The following DLGAP2 variants were observed in gnomAD, a reference collection of about 807,000 sequenced individuals.
DLGAP2 encodes DLG associated protein 2.
In DLGAP2, 26 loss-of-function variants were observed where a neutral mutation model predicts 100.3. The ratio of observed to expected loss-of-function variants is 0.26; its 90% CI spans 0.19 to 0.36. DLGAP2 has a LOEUF of 0.36. Among genes scored for constraint, DLGAP2 ranks in the 10% least tolerant of loss-of-function variants. The pLI, the probability that DLGAP2 is intolerant of heterozygous loss-of-function variation, is 1.00. For synonymous variants in DLGAP2, 886 were observed against 630.1 expected, an observed-to-expected ratio of 1.41 and a Z score of -6.08; for missense variants, 1,858 against 1,453.2, an observed-to-expected ratio of 1.28 and a Z score of -4.53.
intron 2 of DLGAP2, among the ~76,000 whole-genome samples, chr8:1,183,044 C>T (rs933573271): frequency 6.6e-6 from 1 of 152,156 alleles, no homozygotes; most frequent in Non-Finnish European, 1.5e-5. Flanking sequence ...GATTTACTCA[C>T]CCAGCAGCGG....
intron 3 of DLGAP2, among the ~76,000 whole-genome samples, chr8:1,497,159 G>A (rs147048883): frequency 5.5e-4 from 84 of 152,322 alleles, no homozygotes; most frequent in African/African-American, 1.9e-3. Flanking sequence ...TGTTTCTCCA[G>A]TGAAGACAGA....
intron 2 of DLGAP2, among the ~76,000 whole-genome samples, chr8:977,769 T>A (rs866097909): frequency 0.12 from 11,578 of 99,434 alleles, 925 homozygotes; most frequent in Non-Finnish European, 0.15. Context: ...GTCTTTGGTG[T>A]TGTGGGGAGG....
chr8:751,628 A>G (rs2132574317), intron 1 of DLGAP2, among the ~76,000 whole-genome samples: 1 of 88,406 alleles, frequency 1.1e-5, no homozygotes, highest in South Asian at 3.2e-4. Context: ...GTAAGTCCTT[A>G]TAGGAAGTTC....
intron 3 of DLGAP2, among the ~76,000 whole-genome samples, chr8:1,346,909 G>T (rs1431685069): frequency 6.6e-6 from 1 of 151,330 alleles, no homozygotes; most frequent in African/African-American, 2.4e-5. Flanking sequence ...GCTGTGTGGA[G>T]GTTGAGTTCC....
At chr8:1,552,427 A>T (rs1801801258) in intron 5 of DLGAP2, among the ~76,000 whole-genome samples, 1 of 152,086 alleles carries the variant, frequency 6.6e-6, no homozygotes, top group South Asian at 2.1e-4. Flanking sequence ...TGGACCCCTC[A>T]TGGAAGGATC....
intron 2 of DLGAP2, among the ~76,000 whole-genome samples, chr8:1,220,218 C>A (rs985079869): frequency 3.3e-5 from 5 of 152,120 alleles, no homozygotes; most frequent in African/African-American, 1.2e-4. Context: ...AATTTGAAAT[C>A]TTTCTAACTT....
At chr8:1,367,978 A>T (rs1802146767) in intron 3 of DLGAP2, among the ~76,000 whole-genome samples, 1 of 152,120 alleles carries the variant, frequency 6.6e-6, no homozygotes, top group Non-Finnish European at 1.5e-5. Flanking sequence ...TGCCGTCAGG[A>T]TTCACCTCCC....
chr8:1,252,161 T>C (rs1023875638), intron 2 of DLGAP2, among the ~76,000 whole-genome samples: 11 of 151,924 alleles, frequency 7.2e-5, no homozygotes, highest in Non-Finnish European at 7.4e-5. Context: ...CACGGGTGTG[T>C]TGTGTTGTCC....
intron 3 of DLGAP2, among the ~76,000 whole-genome samples, chr8:1,412,179 A>G (rs936997026): frequency 2.0e-5 from 3 of 151,980 alleles, no homozygotes; most frequent in Non-Finnish European, 4.4e-5. Flanking sequence ...TATGGCTCCC[A>G]CTGCCCTCTG....
intron 2 of DLGAP2, among the ~76,000 whole-genome samples, chr8:1,101,292 C>T (rs538423932): frequency 5.3e-5 from 8 of 152,264 alleles, no homozygotes; most frequent in East Asian, 1.9e-4. Context: ...GGGCCAAGGC[C>T]GAGGAGCAGG....
chr8:1,686,261 TA>T (rs374324568), intron 12 of DLGAP2, among the ~76,000 whole-genome samples: 16 of 152,192 alleles, frequency 1.1e-4, no homozygotes, highest in East Asian at 3.9e-4. Context: ...TATTCAGCCA[TA>T]AAAAAAGGAA....
chr8:962,789 A>T (rs1023807057), intron 2 of DLGAP2, among the ~76,000 whole-genome samples: 6 of 152,148 alleles, frequency 3.9e-5, no homozygotes, highest in African/African-American at 1.4e-4. Context: ...GGCCCTCAGC[A>T]CCCAGGCGCA....
rs1367099477 is a variant in DLGAP2, at chr8:1,273,620, C to T, written c.106+14737C>T. ...GAGGCAGCTCCATCCTTCCCAGTAG[C>T]CCCTGGCTCTGCACAAGCCCTTGGA... On this transcript the variant is annotated intron_variant, in intron 3 of 14. Transcript: ENST00000637795. 2.0e-5 allele frequency among the ~76,000 whole-genome samples: 3 copies of T among 152,188 alleles called. No individual in the cohort carries two copies. In the East Asian group the frequency reaches 5.8e-4, roughly 29 times the overall value.
At chr8:1,625,146 G>T (rs1797459432) in intron 6 of DLGAP2, among the ~76,000 whole-genome samples, 1 of 152,200 alleles carries the variant, frequency 6.6e-6, no homozygotes, top group Non-Finnish European at 1.5e-5. Flanking sequence ...CAACTCTGGA[G>T]TCAGAATCGT....
At chr8:944,337 C>A (rs969159378) in intron 2 of DLGAP2, among the ~76,000 whole-genome samples, 2 of 151,544 alleles carry the variant, frequency 1.3e-5, no homozygotes, top group Non-Finnish European at 2.9e-5. Context: ...GTGGGTGATC[C>A]AGTGGGTGAT....
chr8:789,297 C>A (rs1181912396), intron 1 of DLGAP2, among the ~76,000 whole-genome samples: 1 of 152,212 alleles, frequency 6.6e-6, no homozygotes, highest in African/African-American at 2.4e-5. Flanking sequence ...AGGAAACTTA[C>A]AACCATGGCG....
intron 2 of DLGAP2, among the ~76,000 whole-genome samples, chr8:1,061,222 C>T (rs1563170645): frequency 6.6e-6 from 1 of 152,158 alleles, no homozygotes; most frequent in Non-Finnish European, 1.5e-5. Flanking sequence ...CCCTCGTGAA[C>T]TCTTTGGGTC....
chr8:1,701,021 G>C (rs78809768), intron 14 of DLGAP2, among the ~76,000 whole-genome samples, 167 bp from the exon 15 acceptor site: 4,042 of 152,288 alleles, frequency 0.027, 79 homozygotes, highest in East Asian at 0.055. Flanking sequence ...AGGCAGGCCT[G>C]TGGCCTGGGA....
chr8:1,165,024 G>C (rs1796986860), intron 2 of DLGAP2, among the ~76,000 whole-genome samples: 1 of 152,022 alleles, frequency 6.6e-6, no homozygotes, highest in South Asian at 2.1e-4. Flanking sequence ...GATGGGGTTG[G>C]GTGTTGGGAG....
Sources: allele counts gnomAD v4.1 joint callset (sites outside exome capture counted in the v4.1 genomes callset), GRCh38; gene constraint gnomAD v4.1.1; transcripts MANE v1.5; gene names NCBI Gene and HGNC (gene_info 2026-07-23, HGNC 2026-07-21).